ZIM2: variants seen among roughly 807,000 people sequenced by gnomAD.
ZIM2 encodes the protein zinc finger imprinted 2.
Under a neutral mutation model 38.6 loss-of-function variants are expected in ZIM2, and 14 were observed. That is an observed-to-expected ratio of 0.36 (90% CI 0.24 to 0.57). The LOEUF (loss-of-function observed/expected upper bound fraction) is 0.57. Ranked by LOEUF, ZIM2 falls within the 20% of genes least tolerant of loss-of-function variation. The pLI is 0.81. For missense variants in ZIM2, 680 were observed against 695.1 expected (o/e 0.98, Z 0.24); for synonymous variants, 247 against 245.8 (o/e 1.00, Z -0.04).
intron 8 of ZIM2, among the ~76,000 whole-genome samples, chr19:56,818,092 G>T (rs2060145530): frequency 6.6e-6 from 1 of 152,168 alleles, no homozygotes; most frequent in African/African-American, 2.4e-5. Flanking sequence ...TCAGTGCATT[G>T]TCTTTTAGTC....
In ZIM2 at chr19:56,835,985, A is replaced by C. The variant is rs556371352; in HGVS notation, c.-227+33T>G. 5 of 505,494 alleles carry C rather than the reference A, an allele frequency of 9.9e-6. No individual in the cohort carries two copies. The East Asian group carries it at 2.2e-4, about 23-fold the overall frequency. The allele number at this position is 505,494 out of a possible 1,614,324, so 31.3% of individuals were successfully genotyped here. On this transcript the variant is annotated intron_variant, in intron 2 of 12. Transcript: ENST00000629319. The stretch of plus-strand genomic sequence containing the variant: ...AAGTGCGGTGGTCACTCCAAAGATG[A>C]ATGTGGCACTGTGAGGAGGAAATTC...
rs1238828956 is a variant in ZIM2, at chr19:56,775,020, C to T, written c.1345G>A (p.Gly449Ser). 5.6e-6 allele frequency: 9 copies of T among 1,613,992 alleles called. No individual in the cohort carries two copies. Among genetic ancestry groups the T allele is most frequent in the East Asian group, 2.2e-5 (1 of 44,878 alleles). The change falls in exon 13 of 13, where the codon GGC becomes AGC. Residue 449 changes from glycine (G) to serine (S), a missense_variant. Gly to Ser is a moderately conservative substitution (Grantham distance 56, BLOSUM62 0). Coordinates refer to ENST00000629319, the MANE Select transcript of ZIM2 (RefSeq NM_001387356.1). ...TGCACATTCTGGAGAAAAGCTTTGC[C>T]GCACTGAAAACATTCAAAGTAGTCC... The part of the protein sequence containing the change: ...QEDYFECFQC[G>S]KAFLQNVHLL...
chr19:56,812,683 T>C (rs548152122), intron 9 of ZIM2: 13 of 984,998 alleles, frequency 1.3e-5, no homozygotes, highest in Admixed American at 6.2e-5. Flanking sequence ...TCTCCTACGG[T>C]TCTCAACCTT....
At chr19:56,838,351 C>G (rs1018139947) in intron 1 of ZIM2, among the ~76,000 whole-genome samples, 1 of 152,210 alleles carries the variant, frequency 6.6e-6, no homozygotes, top group Non-Finnish European at 1.5e-5. Flanking sequence ...CGCAATCAAC[C>G]TCGGGCGCCA....
intron 12 of ZIM2, among the ~76,000 whole-genome samples, chr19:56,776,557 C>T (rs1004120620): frequency 6.6e-6 from 1 of 152,182 alleles, no homozygotes; most frequent in African/African-American, 2.4e-5. Flanking sequence ...AGGTCAACAA[C>T]CTCTTGTTCA....
chr19:56,822,701 C>T, intron 6 of ZIM2, 52 bp downstream of exon 6: 1 of 1,603,968 alleles, frequency 6.2e-7, no homozygotes, highest in Non-Finnish European at 8.5e-7. Flanking sequence ...TGAACCTGTG[C>T]ACAGCACATG....
At position 56,810,507 on chromosome 19, in the gene ZIM2, T is replaced by C. The variant is rs1038743534; in HGVS notation, c.490+7239A>G. 6 of 984,796 alleles carry C rather than the reference T, an allele frequency of 6.1e-6. No homozygotes were observed. The African/African-American group carries it at 8.7e-5, about 14-fold the overall frequency. The allele number at this position is 984,796 out of a possible 1,614,324, so 61.0% of individuals were successfully genotyped here. A position where few individuals can be genotyped will look rare whatever the true frequency, so the allele number is the denominator to read the frequency against. On this transcript the variant is annotated intron_variant, in intron 9 of 12. Coordinates refer to ENST00000629319, the MANE Select transcript of ZIM2 (RefSeq NM_001387356.1). ...TCAAGATGTTAACAGTTAATTGTTG[T>C]TGGGTGTTGGGAATATGTGTGAATT...
Position 56,814,629 on chromosome 19 carries a change from C to T in ZIM2, c.490+3117G>A. On this transcript the variant is annotated intron_variant, in intron 9 of 12. Transcript: ENST00000629319. This position sits in a 1 kb window ranked among gnomAD's most constrained non-coding sequence, Gnocchi z 5.8. The stretch of plus-strand genomic sequence containing the variant: ...TCTCTTCGGTCTGACTTCTCTGAAA[C>T]TCAGTGAGGGCTAAGCCTGGAATGA... 6.2e-7 allele frequency: 1 copy of T among 1,614,164 alleles called. No homozygotes were observed. Among genetic ancestry groups the T allele is most frequent in the Non-Finnish European group, 8.5e-7 (1 of 1,180,000 alleles).
intron 10 of ZIM2, among the ~76,000 whole-genome samples, chr19:56,783,768 T>A (rs764442449): frequency 6.6e-6 from 1 of 152,172 alleles, no homozygotes; most frequent in East Asian, 1.9e-4. Context: ...ATGCTCCAAA[T>A]CTTAGCATTG....
chr19:56,816,789 A>G (rs2146203349), intron 9 of ZIM2: 1 of 1,614,128 alleles, frequency 6.2e-7, no homozygotes, highest in South Asian at 1.1e-5. Flanking sequence ...TCTGAAGCTC[A>G]CTAAAGGTGG....
At chr19:56,790,206 T>C (rs767835883) in intron 9 of ZIM2, 106 of 352,936 alleles carry the variant, frequency 3.0e-4, no homozygotes, top group Non-Finnish European at 4.7e-4. Flanking sequence ...GTTCCCTCCA[T>C]ATCAGTCATT....
intron 12 of ZIM2, 38 bp downstream of exon 12, chr19:56,779,339 C>T (rs2046198737): frequency 1.2e-6 from 2 of 1,601,420 alleles, no homozygotes; most frequent in Non-Finnish European, 1.7e-6. Context: ...TTTACTGGTT[C>T]CCCCTCCTAC....
chr19:56,840,067 G>A (rs901639236), intron 1 of ZIM2, among the ~76,000 whole-genome samples: 2 of 152,196 alleles, frequency 1.3e-5, no homozygotes, highest in Admixed American at 6.5e-5. Context: ...CCGGCGCCGC[G>A]AGGCCGATGG....
At chr19:56,789,212 GTTATGCTAAAAATTTATTTATAC>G (rs1417168060) in intron 10 of ZIM2, among the ~76,000 whole-genome samples, 1 of 152,184 alleles carries the variant, frequency 6.6e-6, no homozygotes, top group Non-Finnish European at 1.5e-5. Context: ...AAACTTCATA[GTTATGCTAAAAATTTATTTATAC>G]TTATGCTAAA....
intron 7 of ZIM2, among the ~76,000 whole-genome samples, chr19:56,819,012 T>C (rs149840937): frequency 6.6e-6 from 1 of 152,270 alleles, no homozygotes; most frequent in South Asian, 2.1e-4. Context: ...GGGGTACAGA[T>C]AGTAAGTGCT....
At chr19:56,795,662 G>T (rs1479016336) in intron 9 of ZIM2, among the ~76,000 whole-genome samples, 2 of 152,068 alleles carry the variant, frequency 1.3e-5, no homozygotes, top group Non-Finnish European at 2.9e-5. Context: ...ACGTAGGAGG[G>T]CGCTCCTGTG....
intron 9 of ZIM2, among the ~76,000 whole-genome samples, chr19:56,797,317 C>CAAAT (rs924207662): frequency 1.3e-5 from 2 of 150,006 alleles, no homozygotes; most frequent in Admixed American, 6.7e-5. Context: ...AATAAATAAA[C>CAAAT]AAATAAATAA....
At chr19:56,805,374 G>A (rs2047707722) in intron 9 of ZIM2, among the ~76,000 whole-genome samples, 1 of 152,138 alleles carries the variant, frequency 6.6e-6, no homozygotes, top group Admixed American at 6.5e-5. Flanking sequence ...ACTCAGGCTG[G>A]GCCAATAAGA....
intron 9 of ZIM2, among the ~76,000 whole-genome samples, chr19:56,795,081 G>C (rs2047128786): frequency 6.6e-6 from 1 of 151,638 alleles, no homozygotes; most frequent in Admixed American, 6.6e-5. Context: ...TTGAGGCAGA[G>C]TCTCGCTCAG....
Sources: allele counts gnomAD v4.1 joint callset (sites outside exome capture counted in the v4.1 genomes callset), GRCh38; gene constraint gnomAD v4.1.1; non-coding constraint Gnocchi (gnomAD v3.1); transcripts MANE v1.5; gene names NCBI Gene and HGNC (gene_info 2026-07-23, HGNC 2026-07-21).